TENT5D: variants seen among roughly 807,000 people sequenced by gnomAD.
TENT5D encodes terminal nucleotidyltransferase 5D.
For synonymous variants in TENT5D, 103 were observed against 100.6 expected, an observed-to-expected ratio of 1.02 and a Z score of -0.15; for missense variants, 191 against 287.0, an observed-to-expected ratio of 0.67 and a Z score of 2.42.
chrX:80,396,688 C>G (rs981298791), intron 3 of TENT5D, among the ~76,000 whole-genome samples: 2 of 105,773 alleles, frequency 1.9e-5, no homozygotes, highest in Admixed American at 1.0e-4. Context: ...TACACAGACA[C>G]GGCAACCATC....
intron 3 of TENT5D, among the ~76,000 whole-genome samples, chrX:80,398,772 C>CTT (rs202050270): frequency 9.5e-6 from 1 of 105,293 alleles, no homozygotes; most frequent in African/African-American, 3.5e-5. Context: ...ATCTATGTGT[C>CTT]TTTTTTTTTT....
intron 3 of TENT5D, among the ~76,000 whole-genome samples, chrX:80,353,585 C>T (rs1379921299): frequency 1.8e-5 from 2 of 111,960 alleles, no homozygotes; most frequent in African/African-American, 6.5e-5. Flanking sequence ...CTAGCTCCAT[C>T]CATGTTGCTG....
At chrX:80,346,681 T>G (rs773492595) in intron 3 of TENT5D, among the ~76,000 whole-genome samples, 4 of 111,895 alleles carry the variant, frequency 3.6e-5, no homozygotes, top group East Asian at 5.6e-4. Flanking sequence ...TGTTTTTTAC[T>G]TTAAGTTCTG....
intron 2 of TENT5D, among the ~76,000 whole-genome samples, chrX:80,338,196 G>T (rs1451793342): frequency 9.0e-6 from 1 of 111,629 alleles, no homozygotes; most frequent in Non-Finnish European, 1.9e-5. Context: ...ACCTAAATAG[G>T]TTGCTACCTT....
At chrX:80,384,714 A>G (rs1216058528) in intron 3 of TENT5D, among the ~76,000 whole-genome samples, 1 of 105,418 alleles carries the variant, frequency 9.5e-6, no homozygotes, top group Non-Finnish European at 1.9e-5. Context: ...GCTGATAAGC[A>G]GCTTCAGCAA....
At chrX:80,351,874 T>G (rs1930184706) in intron 3 of TENT5D, among the ~76,000 whole-genome samples, 1 of 112,409 alleles carries the variant, frequency 8.9e-6, no homozygotes, top group Non-Finnish European at 1.9e-5. Context: ...TATTGCTTTC[T>G]GTTTGTTAGT....
chrX:80,441,607 C>T (rs757622059), intron 2 of TENT5D, among the ~76,000 whole-genome samples: 17 of 110,983 alleles, frequency 1.5e-4, no homozygotes, highest in East Asian at 5.6e-4. Flanking sequence ...AACTTATTAG[C>T]GTACTTGAAG....
chrX:80,380,333 T>G (rs765040463), intron 3 of TENT5D, among the ~76,000 whole-genome samples: 32 of 111,052 alleles, frequency 2.9e-4, no homozygotes, highest in African/African-American at 1.0e-3. Context: ...ACAGTTTGTT[T>G]TGATTTCTGT....
intron 3 of TENT5D, among the ~76,000 whole-genome samples, chrX:80,343,833 G>A (rs915882617): frequency 3.6e-5 from 4 of 111,519 alleles, no homozygotes; most frequent in African/African-American, 1.3e-4. Flanking sequence ...GGTTACATGT[G>A]CAGATTTGTT....
chrX:80,398,343 C>T (rs977210608), intron 3 of TENT5D, among the ~76,000 whole-genome samples: 1 of 111,899 alleles, frequency 8.9e-6, no homozygotes, highest in African/African-American at 3.2e-5. Context: ...TTCTACTATT[C>T]TGTACATTGT....
At chrX:80,382,327 G>A (rs1930883132) in intron 3 of TENT5D, among the ~76,000 whole-genome samples, 1 of 111,693 alleles carries the variant, frequency 9.0e-6, no homozygotes, top group Non-Finnish European at 1.9e-5. Context: ...AAATATTGCT[G>A]CCTGATCCTT....
At chrX:80,442,457 A>T (rs1569376771) in intron 2 of TENT5D, 65 bp from the exon 3 acceptor site, 2 of 832,201 alleles carry the variant, frequency 2.4e-6, no homozygotes, top group Admixed American at 3.8e-5. Context: ...TAACTTTTTC[A>T]TATGCTTTAG....
At chrX:80,383,680 C>G (rs1242602726) in intron 3 of TENT5D, among the ~76,000 whole-genome samples, 3 of 110,812 alleles carry the variant, frequency 2.7e-5, no homozygotes, top group African/African-American at 9.8e-5. Flanking sequence ...TACAGTGACA[C>G]CCGGTCTCTA....
intron 3 of TENT5D, among the ~76,000 whole-genome samples, chrX:80,407,649 A>C (rs1188322035): frequency 9.3e-6 from 1 of 107,536 alleles, no homozygotes; most frequent in Non-Finnish European, 1.9e-5. Context: ...CACAATAATA[A>C]TGGGAGACTT....
exon 3 of TENT5D, chrX:80,442,534 T>G (rs1412381247): frequency 1.8e-5 from 22 of 1,190,517 alleles, no homozygotes; most frequent in Non-Finnish European, 2.5e-5. Flanking sequence ...ATCTACTGAC[T>G]TCACAATGTC....
intron 2 of TENT5D, 24 bp downstream of exon 2, chrX:80,438,756 T>C (rs1285973208): frequency 1.8e-5 from 2 of 110,825 alleles, no homozygotes; most frequent in Non-Finnish European, 3.8e-5. Context: ...CTTTTCTCAC[T>C]GTCTTTGAAA....
intron 2 of TENT5D, among the ~76,000 whole-genome samples, 156 bp downstream of exon 2, chrX:80,438,888 T>G (rs1009114811): frequency 1.8e-5 from 2 of 111,349 alleles, no homozygotes; most frequent in Non-Finnish European, 3.8e-5. Flanking sequence ...TATACAAATA[T>G]CCATTCATAG....
At chrX:80,340,072 CTAT>C (rs1362649968) in intron 2 of TENT5D, among the ~76,000 whole-genome samples, 1 of 110,448 alleles carries the variant, frequency 9.1e-6, no homozygotes, top group Admixed American at 9.7e-5. Flanking sequence ...AAAACATTTG[CTAT>C]TATTACAGAT....
chrX:80,406,160 C>T (rs1931489276), intron 3 of TENT5D, among the ~76,000 whole-genome samples: 1 of 111,843 alleles, frequency 8.9e-6, no homozygotes, highest in African/African-American at 3.3e-5. Context: ...GAAAAAAGAA[C>T]AGAAAAACTG....
Sources: gnomAD v4.1 joint callset for allele counts (sites outside exome capture counted in the v4.1 genomes callset) on GRCh38, gnomAD v4.1.1 for gene constraint, MANE v1.5 for transcripts, NCBI Gene and HGNC (gene_info 2026-07-23, HGNC 2026-07-21) for gene names.